Variants in MYRFL observed in about 807,000 individuals in gnomAD.
The protein encoded by MYRFL is myelin regulatory factor like, also known as myelin regulatory factor-like protein.
A neutral mutation model predicts 109.4 loss-of-function variants in MYRFL; 88 were observed. The observed-to-expected ratio is 0.80, with a 90% CI of 0.68 to 0.96. The LOEUF (loss-of-function observed/expected upper bound fraction) is 0.96, where lower values mean the gene tolerates loss of function less well. MYRFL is among the 40% of genes least tolerant of loss of function. The probability of loss-of-function intolerance (pLI) is 0.00; values close to 1 mark genes in which losing one functional copy is unlikely to be tolerated. For missense variants in MYRFL, 957 were observed against 954.9 expected (o/e 1.00, Z -0.03); for synonymous variants, 324 against 320.9 (o/e 1.01, Z -0.10).
intron 1 of MYRFL, among the ~76,000 whole-genome samples, chr12:69,828,433 C>T (rs1472864997): frequency 6.6e-6 from 1 of 151,960 alleles, no homozygotes; most frequent in East Asian, 1.9e-4. Context: ...TCTTCCTGGT[C>T]CCTTCATTAA....
chr12:69,944,492 C>T (rs1955767716), intron 19 of MYRFL, among the ~76,000 whole-genome samples: 1 of 143,036 alleles, frequency 7.0e-6, no homozygotes, highest in African/African-American at 2.6e-5. Flanking sequence ...AATGAGAACA[C>T]ATGGACACAG....
chr12:69,948,484 A>G (rs1454601772), intron 19 of MYRFL, among the ~76,000 whole-genome samples: 1 of 152,210 alleles, frequency 6.6e-6, no homozygotes, highest in East Asian at 1.9e-4. Context: ...CTGCAAATTC[A>G]GCAGGCAAGT....
chr12:69,916,979 C>T (rs190669082), intron 13 of MYRFL, among the ~76,000 whole-genome samples: 25 of 152,230 alleles, frequency 1.6e-4, no homozygotes, highest in African/African-American at 5.3e-4. Flanking sequence ...TAGCTTTCAT[C>T]TCTCTCCAGT....
chr12:69,944,435 CA>C (rs1483120972), intron 19 of MYRFL, among the ~76,000 whole-genome samples: 20 of 143,878 alleles, frequency 1.4e-4, no homozygotes, highest in African/African-American at 4.4e-4. Context: ...ATCGCAAGAA[CA>C]AAAAACCAAA....
At chr12:69,853,880 G>C (rs1293016083) in intron 1 of MYRFL, among the ~76,000 whole-genome samples, 2 of 151,864 alleles carry the variant, frequency 1.3e-5, no homozygotes, top group Non-Finnish European at 2.9e-5. Flanking sequence ...GTGGGGCAGA[G>C]GGGCTCCTCA....
At chr12:69,937,900 G>A (rs958178086) in intron 19 of MYRFL, among the ~76,000 whole-genome samples, 1 of 152,076 alleles carries the variant, frequency 6.6e-6, no homozygotes, top group Admixed American at 6.5e-5. Context: ...ATTACTCTAC[G>A]CTAGGTACTG....
At chr12:69,835,173 G>A (rs1388394444) in intron 1 of MYRFL, among the ~76,000 whole-genome samples, 1 of 152,124 alleles carries the variant, frequency 6.6e-6, no homozygotes, top group African/African-American at 2.4e-5. Context: ...TTCAGGAAAG[G>A]CCGGGGTGGT....
intron 14 of MYRFL, among the ~76,000 whole-genome samples, chr12:69,927,305 A>T (rs1353059353): frequency 6.6e-6 from 1 of 152,130 alleles, no homozygotes; most frequent in Non-Finnish European, 1.5e-5. Context: ...CAGTTGTTAT[A>T]GGAAGTGCTA....
At chr12:69,928,616 C>T (rs1300316885) in intron 15 of MYRFL, among the ~76,000 whole-genome samples, 1 of 152,226 alleles carries the variant, frequency 6.6e-6, no homozygotes, top group African/African-American at 2.4e-5. Context: ...AGCTGACAAG[C>T]TCCTTAGTGT....
rs143254396 is a variant in MYRFL at position 69,833,189 on chromosome 12, A to G, written c.46+7626A>G. Reference sequence around the variant, plus strand: ...AGTGAGATCACCAAGAAGAGTACAGATAGAGAAAAGGGTCCCAGATCACAT... The same window carrying G: ...AGTGAGATCACCAAGAAGAGTACAGGTAGAGAAAAGGGTCCCAGATCACAT... On this transcript the variant is annotated intron_variant, in intron 1 of 24. Coordinates refer to ENST00000552032, the MANE Select transcript of MYRFL (RefSeq NM_182530.3). Among the ~76,000 whole-genome samples, 272 of 152,244 alleles carry G rather than the reference A, an allele frequency of 1.8e-3. 5 individuals carry two copies. Among genetic ancestry groups the G allele is most frequent in the African/African-American group, 9.6e-4 (40 of 41,550 alleles).
At chr12:69,944,932 A>T (rs1413307681) in intron 19 of MYRFL, among the ~76,000 whole-genome samples, 1 of 152,146 alleles carries the variant, frequency 6.6e-6, no homozygotes, top group East Asian at 1.9e-4. Flanking sequence ...TATACATTAT[A>T]TGACTGTATT....
At chr12:69,921,514 T>A (rs1432585265) in intron 13 of MYRFL, among the ~76,000 whole-genome samples, 1 of 152,218 alleles carries the variant, frequency 6.6e-6, no homozygotes, top group African/African-American at 2.4e-5. Flanking sequence ...ATATTTATAC[T>A]GGATTTACTG....
intron 16 of MYRFL, 55 bp downstream of exon 16, chr12:69,932,653 T>C: frequency 7.5e-7 from 1 of 1,328,620 alleles, no homozygotes; most frequent in Non-Finnish European, 1.0e-6. Flanking sequence ...CTTCCCATGT[T>C]TCTTTTATCA....
At chr12:69,890,638 G>A (rs924080254) in intron 6 of MYRFL, among the ~76,000 whole-genome samples, 1 of 152,142 alleles carries the variant, frequency 6.6e-6, no homozygotes, top group African/African-American at 2.4e-5. Context: ...AGGAGGTTGA[G>A]GCAGGAGAAT....
Position 69,862,702 on chromosome 12 carries a change from C to T in MYRFL, c.137+7332C>T, listed in dbSNP as rs1180359562. 1.6e-4 allele frequency among the ~76,000 whole-genome samples: 25 copies of T among 152,198 alleles called. No homozygotes were observed. In the South Asian group the frequency reaches 5.2e-3, roughly 32 times the overall value. On this transcript the variant is annotated intron_variant, in intron 2 of 24. Transcript: ENST00000552032. ...CAATCATGTCATCTGCAAACAGGGACAATCTGACTTCCTCTTTTCCTAATT... is the reference window on the plus strand; with the variant it reads ...CAATCATGTCATCTGCAAACAGGGATAATCTGACTTCCTCTTTTCCTAATT...
intron 19 of MYRFL, among the ~76,000 whole-genome samples, chr12:69,944,248 G>A (rs1175706230): frequency 1.3e-4 from 16 of 119,298 alleles, no homozygotes; most frequent in Admixed American, 3.7e-4. Flanking sequence ...TGTTTATTGC[G>A]GCATTATTCA....
chr12:69,830,754 G>A (rs1007907900), intron 1 of MYRFL, among the ~76,000 whole-genome samples: 8 of 152,102 alleles, frequency 5.3e-5, no homozygotes, highest in African/African-American at 1.9e-4. Flanking sequence ...ATTAGAATTT[G>A]AAGTGTGCCG....
In MYRFL at chr12:69,927,665, A is replaced by C; in HGVS notation, c.1767-20A>C. On this transcript the variant is annotated intron_variant, in intron 14 of 24. Coordinates refer to ENST00000552032, the MANE Select transcript of MYRFL (RefSeq NM_182530.3). ...TGGAGAGGTATTTGAATAGTAACCA[A>C]TTTTCTCTCTCTTTTAAAGCAAATC... The C allele has an allele frequency of 6.5e-7, 1 of 1,527,774 alleles. No homozygotes were observed. Among genetic ancestry groups the C allele is most frequent in the Non-Finnish European group, 8.7e-7 (1 of 1,143,638 alleles). The allele number at this position is 1,527,774 out of a possible 1,614,324, so 94.6% of individuals were successfully genotyped here.
At chr12:69,906,565 A>G (rs1954369172) in intron 11 of MYRFL, among the ~76,000 whole-genome samples, 1 of 144,658 alleles carries the variant, frequency 6.9e-6, no homozygotes, top group Admixed American at 6.7e-5. Context: ...AATTCAAGCC[A>G]GAAAAGGGAA....
Sources: gnomAD v4.1 joint callset for allele counts (sites outside exome capture counted in the v4.1 genomes callset) on GRCh38, gnomAD v4.1.1 for gene constraint, MANE v1.5 for transcripts, NCBI Gene and HGNC (gene_info 2026-07-23, HGNC 2026-07-21) for gene names.